MFSD6: variants seen among roughly 807,000 people sequenced by gnomAD.
The protein encoded by MFSD6 is major facilitator superfamily domain containing 6, also known as major facilitator superfamily domain-containing protein 6.
A neutral mutation model predicts 56.3 loss-of-function variants in MFSD6; 26 were observed. The ratio of observed to expected loss-of-function variants is 0.46; its 90% CI spans 0.34 to 0.64. MFSD6 has a LOEUF of 0.64. Among genes scored for constraint, MFSD6 ranks in the 30% least tolerant of loss-of-function variants. The probability of loss-of-function intolerance (pLI) is 0.01; values close to 1 mark genes in which losing one functional copy is unlikely to be tolerated. For synonymous variants in MFSD6, 331 were observed against 366.9 expected (o/e 0.90, Z 1.12); for missense variants, 750 against 986.2 (o/e 0.76, Z 3.21).
At chr2:190,468,557 G>A (rs553208103) in intron 3 of MFSD6, among the ~76,000 whole-genome samples, 5 of 151,092 alleles carry the variant, frequency 3.3e-5, no homozygotes, top group African/African-American at 1.2e-4. Flanking sequence ...GGCTCAAGCA[G>A]TCCTCCTACC....
intron 4 of MFSD6, among the ~76,000 whole-genome samples, chr2:190,470,570 C>T (rs1002803692): frequency 2.0e-5 from 3 of 152,204 alleles, no homozygotes; most frequent in Non-Finnish European, 4.4e-5. Flanking sequence ...AGGACAAGAT[C>T]GCTGGAGTTG....
At chr2:190,429,415 T>TC (rs1316090813) in intron 2 of MFSD6, among the ~76,000 whole-genome samples, 1 of 151,760 alleles carries the variant, frequency 6.6e-6, no homozygotes, top group African/African-American at 2.4e-5. Context: ...AACCTCCGTC[T>TC]CCTGGGTTCA....
chr2:190,493,459 G>A (rs187211620), intron 6 of MFSD6, among the ~76,000 whole-genome samples: 3 of 152,262 alleles, frequency 2.0e-5, no homozygotes, highest in African/African-American at 7.2e-5. Flanking sequence ...TCCACTGACA[G>A]CACTAGACAG....
chr2:190,488,118 G>T lies in MFSD6; in HGVS notation c.1631-539G>T, dbSNP rs1277969552. 6.6e-6 allele frequency among the ~76,000 whole-genome samples: 1 copy of T among 152,140 alleles called. No individual in the cohort carries two copies. Among genetic ancestry groups the T allele is most frequent in the African/African-American group, 2.4e-5 (1 of 41,426 alleles). The stretch of plus-strand genomic sequence containing the variant: ...GGGTTTCACCATGTTGGCCAGGATG[G>T]TCTCAATCTCCTGACCTCGTGATCC... On this transcript the variant is annotated intron_variant, in intron 4 of 7. Coordinates refer to ENST00000392328, the MANE Select transcript of MFSD6 (RefSeq NM_017694.4). The surrounding 1 kb of genome is among the most constrained non-coding windows in gnomAD (Gnocchi z 6.4).
rs752305689 is a variant in MFSD6 at position 190,413,975 on chromosome 2, A to G, written c.-175-1317A>G. 6.6e-6 allele frequency among the ~76,000 whole-genome samples: 1 copy of G among 152,158 alleles called. No homozygotes were observed. Among genetic ancestry groups the G allele is most frequent in the Non-Finnish European group, 1.5e-5 (1 of 68,024 alleles). On this transcript the variant is annotated intron_variant, in intron 1 of 7. Coordinates refer to ENST00000392328, the MANE Select transcript of MFSD6 (RefSeq NM_017694.4). The surrounding 1 kb of genome is among the most constrained non-coding windows in gnomAD (Gnocchi z 4.1). ...CTTTTAGGGACAAAGTTAAGGTAGA[A>G]CATACTTGGCCTCAAGGTACTTGGC...
rs1686908802 is a variant in MFSD6, at chr2:190,454,507, G to A, written c.1533-15251G>A. On this transcript the variant is annotated intron_variant, in intron 3 of 7. Coordinates refer to ENST00000392328, the MANE Select transcript of MFSD6 (RefSeq NM_017694.4). This position sits in a 1 kb window ranked among gnomAD's most constrained non-coding sequence, Gnocchi z 4.6. ...AGAATACATGCTAGAGAGCTTGCTT[G>A]TGTACGACTCTTTTTCTCTTTCTTT... The A allele has an allele frequency of 6.6e-6, 1 of 152,192 alleles. No individual in the cohort carries two copies. The highest frequency in any genetic ancestry group is 2.4e-5 in the African/African-American group (1 of 41,400). 9.4% of individuals were successfully genotyped at this position (152,192 alleles called of 1,614,324 possible).
intron 3 of MFSD6, among the ~76,000 whole-genome samples, chr2:190,460,853 A>G (rs141147437): frequency 6.6e-6 from 1 of 152,314 alleles, no homozygotes; most frequent in Non-Finnish European, 1.5e-5. Flanking sequence ...CAAGGTGACA[A>G]GGAAAGATGT....
rs1389096620 is a variant in MFSD6 at position 190,434,089 on chromosome 2, G to A, written c.-53-1888G>A. On this transcript the variant is annotated intron_variant, in intron 2 of 7. Coordinates refer to ENST00000392328, the MANE Select transcript of MFSD6 (RefSeq NM_017694.4). The surrounding 1 kb of genome is among the most constrained non-coding windows in gnomAD (Gnocchi z 4.3). ...TCCTAGCTACTTAGGAGACTGAGGTGGAAGGATTGCTTGAGACTGGGAGGT... is the reference window on the plus strand; with the variant it reads ...TCCTAGCTACTTAGGAGACTGAGGTAGAAGGATTGCTTGAGACTGGGAGGT... Among the ~76,000 whole-genome samples the A allele has an allele frequency of 6.6e-6, 1 of 151,566 alleles. No individual in the cohort carries two copies. The highest frequency in any genetic ancestry group is 1.9e-4 in the East Asian group (1 of 5,166).
chr2:190,481,129 C>T (rs1315658947), intron 4 of MFSD6, among the ~76,000 whole-genome samples: 2 of 152,058 alleles, frequency 1.3e-5, no homozygotes, highest in African/African-American at 2.4e-5. Flanking sequence ...AAACACTGGG[C>T]GTGTAGTATA....
chr2:190,472,375 T>G (rs1559130907), intron 4 of MFSD6, among the ~76,000 whole-genome samples: 1 of 152,070 alleles, frequency 6.6e-6, no homozygotes, highest in Non-Finnish European at 1.5e-5. Context: ...CAATAACCAA[T>G]GCAGAGAAGT....
At position 190,500,130 on chromosome 2, in the gene MFSD6, C is replaced by T. The variant is rs377605215; in HGVS notation, c.2288C>T (p.Thr763Met). 3.0e-5 allele frequency: 48 copies of T among 1,614,042 alleles called. No individual in the cohort carries two copies. Among genetic ancestry groups the T allele is most frequent in the Non-Finnish European group, 3.8e-5 (45 of 1,180,046 alleles). The stretch of plus-strand genomic sequence containing the variant: ...TCCCCTGACGCAGCAGCATCTCAGA[C>T]GCAGACCAGCCCCGCTCACCCCAGT... Reference protein sequence around the residue: ...QPSPDAAASQTQTSPAHPSVD... With the variant: ...QPSPDAAASQMQTSPAHPSVD... Residue 763 changes from threonine to methionine, a missense_variant, in exon 8 of 8, where the codon ACG (threonine) becomes ATG (methionine). Around this residue, in one of 5 missense-constraint regions of MFSD6, gnomAD observed 172 missense variants for 203.9 expected, o/e 0.84. Coordinates refer to ENST00000392328, the MANE Select transcript of MFSD6 (RefSeq NM_017694.4). This position sits in a 1 kb window ranked among gnomAD's most constrained non-coding sequence, Gnocchi z 5.3.
At chr2:190,409,498 T>A (rs540296135) in intron 1 of MFSD6, among the ~76,000 whole-genome samples, 1 of 152,278 alleles carries the variant, frequency 6.6e-6, no homozygotes, top group East Asian at 1.9e-4. Context: ...CTTGGGCATG[T>A]CACATCTTCC....
rs1313804965 is a variant in MFSD6 at position 190,413,088 on chromosome 2, AC to A, written c.-175-2199del. 6.6e-6 allele frequency among the ~76,000 whole-genome samples: 1 copy of A among 151,880 alleles called. No individual in the cohort carries two copies. Among genetic ancestry groups the A allele is most frequent in the East Asian group, 1.9e-4 (1 of 5,196 alleles). On this transcript the variant is annotated intron_variant, in intron 1 of 7. Transcript: ENST00000392328. This position sits in a 1 kb window ranked among gnomAD's most constrained non-coding sequence, Gnocchi z 4.1. ...CTTTAAAAAGAGCACACCCTCCCAA[AC>A]CCCCACCTCTACCTCAGCACCAACA...
rs116074717 is a variant in MFSD6, at chr2:190,446,140, C to T, written c.1532+8579C>T. On this transcript the variant is annotated intron_variant, in intron 3 of 7. Transcript: ENST00000392328. The stretch of plus-strand genomic sequence containing the variant: ...GATTTTGCCACCATCAAATGATCTT[C>T]AGGATTCTCCCCTGTCTTGTGGTGA... 5.3e-5 allele frequency among the ~76,000 whole-genome samples: 8 copies of T among 152,340 alleles called. No homozygotes were observed. The East Asian group carries it at 9.6e-4, about 18-fold the overall frequency.
At chr2:190,428,654 C>CAT (rs1559106005) in intron 2 of MFSD6, among the ~76,000 whole-genome samples, 1 of 108,330 alleles carries the variant, frequency 9.2e-6, no homozygotes, top group Non-Finnish European at 1.8e-5. Context: ...GAGATGCTTG[C>CAT]TTATTTATTT....
rs1687207563 is a variant in MFSD6 at position 190,459,471 on chromosome 2, G to A, written c.1533-10287G>A. On this transcript the variant is annotated intron_variant, in intron 3 of 7. Coordinates refer to ENST00000392328, the MANE Select transcript of MFSD6 (RefSeq NM_017694.4). This position sits in a 1 kb window ranked among gnomAD's most constrained non-coding sequence, Gnocchi z 5.3. The stretch of plus-strand genomic sequence containing the variant: ...TCCTAGGAAATTTTTAAACAAAATT[G>A]TAGGGGGTGTGTGTGTGAATATGTT... Among the ~76,000 whole-genome samples the A allele has an allele frequency of 1.3e-5, 2 of 152,308 alleles. No individual in the cohort carries two copies. The highest frequency in any genetic ancestry group is 1.9e-4 in the East Asian group (1 of 5,192).
intron 3 of MFSD6, among the ~76,000 whole-genome samples, chr2:190,445,457 C>CACAAA (rs71401257): frequency 4.9e-5 from 7 of 143,786 alleles, no homozygotes; most frequent in Admixed American, 2.8e-4. Flanking sequence ...GCCCCAATCA[C>CACAAA]AAAAAAAAAA....
rs997449468 is a variant in MFSD6, at chr2:190,490,914, A to G, written c.1891+1048A>G. On this transcript the variant is annotated intron_variant, in intron 6 of 7. Transcript: ENST00000392328. The surrounding 1 kb of genome is among the most constrained non-coding windows in gnomAD (Gnocchi z 4.5). ...TCTCAATGAGTTACTCAGAAAGAGC[A>G]ATACTGTTTTTTCTTACTTTTGTTC... 5.3e-5 allele frequency among the ~76,000 whole-genome samples: 8 copies of G among 152,320 alleles called. No individual in the cohort carries two copies. Among genetic ancestry groups the G allele is most frequent in the African/African-American group, 1.7e-4 (7 of 41,560 alleles).
At position 190,465,522 on chromosome 2, in the gene MFSD6, C is replaced by A. The variant is rs988740553; in HGVS notation, c.1533-4236C>A. Among the ~76,000 whole-genome samples, 1 of 151,812 alleles carries A rather than the reference C, an allele frequency of 6.6e-6. No individual in the cohort carries two copies. Among genetic ancestry groups the A allele is most frequent in the Non-Finnish European group, 1.5e-5 (1 of 67,984 alleles). On this transcript the variant is annotated intron_variant, in intron 3 of 7. Transcript: ENST00000392328. This position sits in a 1 kb window ranked among gnomAD's most constrained non-coding sequence, Gnocchi z 4.6. The stretch of plus-strand genomic sequence containing the variant: ...ATGTATAATCTTATGTAAAAAAATT[C>A]TAGGACCCTGAACATATGCTCATAT...
Sources: gnomAD v4.1 joint callset for allele counts (sites outside exome capture counted in the v4.1 genomes callset) on GRCh38, gnomAD v4.1.1 for gene constraint, gnomAD v4.1.1 regional missense constraint, Gnocchi (gnomAD v3.1) non-coding constraint, MANE v1.5 for transcripts, NCBI Gene and HGNC (gene_info 2026-07-23, HGNC 2026-07-21) for gene names.